Variants in ACTN1 observed in about 807,000 individuals in gnomAD.
ACTN1 encodes actinin alpha 1, also known as alpha-actinin-1.
A neutral mutation model predicts 119.6 loss-of-function variants in ACTN1; 30 were observed. The ratio of observed to expected loss-of-function variants is 0.25; its 90% CI spans 0.19 to 0.34. The LOEUF is 0.34. Ranked by LOEUF, ACTN1 falls within the 10% of genes least tolerant of loss-of-function variation. The pLI, the probability that ACTN1 is intolerant of heterozygous loss-of-function variation, is 1.00. For missense variants in ACTN1, 764 were observed against 1,223.4 expected (o/e 0.62, Z 5.60); for synonymous variants, 429 against 472.6 (o/e 0.91, Z 1.20).
At position 68,979,133 on chromosome 14, in the gene ACTN1, G is replaced by T; in HGVS notation, c.-77C>A. On this transcript the variant is annotated 5_prime_UTR_variant, in exon 1 of 22. Coordinates refer to ENST00000394419, the MANE Select transcript of ACTN1 (RefSeq NM_001130004.2). Reference sequence around the variant, plus strand: ...GCAACGGCTGCTGCCCTGGCGTGGGGAGGGAGTAGGGCTGGGCTGGGCTGG... The same window carrying T: ...GCAACGGCTGCTGCCCTGGCGTGGGTAGGGAGTAGGGCTGGGCTGGGCTGG... 1.2e-6 allele frequency: 1 copy of T among 835,492 alleles called. No homozygotes were observed. Among genetic ancestry groups the T allele is most frequent in the Non-Finnish European group, 1.8e-6 (1 of 551,550 alleles). 51.8% of individuals were successfully genotyped at this position (835,492 alleles called of 1,614,324 possible).
chr14:68,950,752 A>T (rs1269881702), intron 1 of ACTN1, among the ~76,000 whole-genome samples: 1 of 151,928 alleles, frequency 6.6e-6, no homozygotes. Context: ...TAGTAGAGAC[A>T]TGGTTTCACT....
chr14:68,932,978 G>T (rs2035296499), intron 1 of ACTN1, among the ~76,000 whole-genome samples: 1 of 152,130 alleles, frequency 6.6e-6, no homozygotes, highest in South Asian at 2.1e-4. Context: ...CTACACGCCA[G>T]ATCCTCTCCT....
chr14:68,918,535 A>G (rs1367656628), intron 3 of ACTN1, among the ~76,000 whole-genome samples: 5 of 151,790 alleles, frequency 3.3e-5, no homozygotes, highest in African/African-American at 1.2e-4. Context: ...CAGCGAGTCA[A>G]GATCGCCCCT....
intron 1 of ACTN1, among the ~76,000 whole-genome samples, chr14:68,949,566 C>CTGAGA (rs1210910782): frequency 6.6e-6 from 1 of 152,176 alleles, no homozygotes; most frequent in Non-Finnish European, 1.5e-5. Flanking sequence ...GAAGCACAAC[C>CTGAGA]AGTAACAGCA....
At chr14:68,977,902 G>A (rs751931360) in intron 1 of ACTN1, 1 of 455,114 alleles carries the variant, frequency 2.2e-6, no homozygotes, top group Non-Finnish European at 4.4e-6. Flanking sequence ...AGGAGGGGGA[G>A]GGAAAGGGGT....
rs561837840 is a variant in ACTN1 at position 68,929,482 on chromosome 14, G to A, written c.106-3810C>T. ...TTACTGCTCAGCCCGATGAAGCCCT[G>A]CCCTATCTGGCCTCCCCTCACCCCA... On this transcript the variant is annotated intron_variant, in intron 1 of 21. Transcript: ENST00000394419. Among the ~76,000 whole-genome samples the A allele has an allele frequency of 3.4e-4, 51 of 152,156 alleles. 1 individual carries two copies. In the South Asian group the frequency reaches 9.7e-3, roughly 29 times the overall value.
chr14:68,968,689 G>C lies in ACTN1; in HGVS notation c.105+10263C>G, dbSNP rs2036781830. Among the ~76,000 whole-genome samples the C allele has an allele frequency of 3.9e-5, 6 of 152,326 alleles. No homozygotes were observed. The South Asian group carries it at 1.2e-3, about 32-fold the overall frequency. On this transcript the variant is annotated intron_variant, in intron 1 of 21. Coordinates refer to ENST00000394419, the MANE Select transcript of ACTN1 (RefSeq NM_001130004.2). ...CATGGTCTTTGTGAACTGGCTTCAA[G>C]GTCAGAAAATCTAGAAATACTTGCT... is the stretch of plus-strand genomic sequence containing the variant.
chr14:68,890,984 T>G (rs566007886), intron 10 of ACTN1, among the ~76,000 whole-genome samples: 195 of 152,180 alleles, frequency 1.3e-3, no homozygotes, highest in Non-Finnish European at 2.4e-3. Flanking sequence ...TGTCTAATTC[T>G]CATAGAGCAC....
At chr14:68,941,451 T>C (rs2035759438) in intron 1 of ACTN1, among the ~76,000 whole-genome samples, 1 of 152,192 alleles carries the variant, frequency 6.6e-6, no homozygotes, top group African/African-American at 2.4e-5. Flanking sequence ...CAAGGCTTAG[T>C]GGCTAAGAAC....
intron 1 of ACTN1, among the ~76,000 whole-genome samples, chr14:68,970,308 C>A (rs1350708194): frequency 6.6e-6 from 1 of 152,208 alleles, no homozygotes. Flanking sequence ...GTGCTGATCT[C>A]TGACCTGGCA....
intron 3 of ACTN1, among the ~76,000 whole-genome samples, chr14:68,919,480 A>G (rs1035356555): frequency 1.3e-5 from 2 of 152,268 alleles, no homozygotes; most frequent in African/African-American, 4.8e-5. Flanking sequence ...TTTTCTTATT[A>G]TAAGGCAGAG....
chr14:68,916,456 G>A (rs1010294743), intron 3 of ACTN1, among the ~76,000 whole-genome samples: 1 of 152,132 alleles, frequency 6.6e-6, no homozygotes, highest in Admixed American at 6.5e-5. Context: ...CACACCAAAG[G>A]CATAGTTTCA....
At position 68,874,955 on chromosome 14, in the gene ACTN1, G is replaced by C. The variant is rs1365405872; in HGVS notation, c.2649C>G (p.Ile883Met). 6.2e-7 allele frequency: 1 copy of C among 1,613,710 alleles called. No individual in the cohort carries two copies. Among genetic ancestry groups the C allele is most frequent in the Non-Finnish European group, 8.5e-7 (1 of 1,179,914 alleles). Residue 883 changes from isoleucine to methionine, a missense_variant, in exon 22 of 22, where the codon ATC (isoleucine) becomes ATG (methionine). By Grantham distance (10) the Ile-to-Met change is conservative. Around this residue, in one of 4 missense-constraint regions of ACTN1, gnomAD observed 102 missense variants for 78.2 expected, o/e 1.30. Transcript: ENST00000394419. ...GGCCGGTGTAGGGGGCCATCCGCGC[G>C]ATGCAGTACTCAGCCTGGTCGGGTG... ...ELPPDQAEYC[I>M]ARMAPYTGPD...
In ACTN1 at chr14:68,925,511, G is replaced by A. The variant is rs944088913; in HGVS notation, c.220+47C>T. 6.6e-7 allele frequency: 1 copy of A among 1,509,220 alleles called. No individual in the cohort carries two copies. Among genetic ancestry groups the A allele is most frequent in the Non-Finnish European group, 9.1e-7 (1 of 1,098,376 alleles). The allele number at this position is 1,509,220 out of a possible 1,614,324, so 93.5% of individuals were successfully genotyped here. ...GGCAGAGCAGATGCCAAGGTGTCAGGCAGCACCAATAGACAGTATCTCGTC... is the reference window on the plus strand; with the variant it reads ...GGCAGAGCAGATGCCAAGGTGTCAGACAGCACCAATAGACAGTATCTCGTC... On this transcript the variant is annotated intron_variant, in intron 2 of 21. Coordinates refer to ENST00000394419, the MANE Select transcript of ACTN1 (RefSeq NM_001130004.2). The surrounding 1 kb of genome is among the most constrained non-coding windows in gnomAD (Gnocchi z 4.3).
At chr14:68,917,106 T>C (rs1028728911) in intron 3 of ACTN1, among the ~76,000 whole-genome samples, 5 of 152,200 alleles carry the variant, frequency 3.3e-5, no homozygotes, top group African/African-American at 1.2e-4. Context: ...TTCTCTCCCC[T>C]GGTTAACTAC....
At chr14:68,955,533 G>A (rs1435404411) in intron 1 of ACTN1, among the ~76,000 whole-genome samples, 12 of 152,328 alleles carry the variant, frequency 7.9e-5, no homozygotes, top group African/African-American at 1.7e-4. Context: ...GAAGCAGGGC[G>A]AGGCAGGAAG....
intron 1 of ACTN1, among the ~76,000 whole-genome samples, chr14:68,939,493 G>A (rs1431365622): frequency 1.7e-4 from 26 of 152,202 alleles, no homozygotes. Context: ...AAGTAGTCAC[G>A]AGGGAGGGCT....
At chr14:68,950,462 G>GTGTGTGTGTGTGTGTGTATATATATA in intron 1 of ACTN1, among the ~76,000 whole-genome samples, 1,650 of 125,902 alleles carry the variant, frequency 0.013, 95 homozygotes, top group African/African-American at 0.038. Flanking sequence ...ATGCGTGTGT[G>GTGTGTGTGTGTGTGTGTATATATATA]TATATATATA....
chr14:68,976,167 A>G (rs1450085226), intron 1 of ACTN1, among the ~76,000 whole-genome samples: 4 of 152,208 alleles, frequency 2.6e-5, no homozygotes, highest in Non-Finnish European at 4.4e-5. Flanking sequence ...AGACTTGCCC[A>G]AAGTCTCAGA....
Sources: gnomAD v4.1 joint callset for allele counts (sites outside exome capture counted in the v4.1 genomes callset) on GRCh38, gnomAD v4.1.1 for gene constraint, gnomAD v4.1.1 regional missense constraint, Gnocchi (gnomAD v3.1) non-coding constraint, MANE v1.5 for transcripts, NCBI Gene and HGNC (gene_info 2026-07-23, HGNC 2026-07-21) for gene names.